Variants in FCHSD2 observed in about 807,000 individuals in gnomAD.
FCHSD2 encodes the protein FCH and double SH3 domains 2.
FCHSD2 carries 38 observed loss-of-function variants against 108.1 expected under a neutral mutation model. That is an observed-to-expected ratio of 0.35 (90% CI 0.27 to 0.46). FCHSD2 has a LOEUF of 0.46. Among genes scored for constraint, FCHSD2 ranks in the 20% least tolerant of loss-of-function variants. The pLI, the probability that FCHSD2 is intolerant of heterozygous loss-of-function variation, is 1.00. For missense variants in FCHSD2, 751 were observed against 897.8 expected (o/e 0.84, Z 2.09); for synonymous variants, 279 against 314.7 (o/e 0.89, Z 1.20).
intron 8 of FCHSD2, among the ~76,000 whole-genome samples, chr11:72,946,505 C>A (rs1306056192): frequency 6.6e-6 from 1 of 152,014 alleles, no homozygotes; most frequent in Non-Finnish European, 1.5e-5. Flanking sequence ...TGTAACTAAC[C>A]TGCACGTTGT....
Position 73,043,915 on chromosome 11 carries a change from G to A in FCHSD2, c.166-28030C>T, listed in dbSNP as rs149086193. Among the ~76,000 whole-genome samples the A allele has an allele frequency of 2.6e-5, 4 of 152,266 alleles. 1 individual carries two copies. Among genetic ancestry groups the A allele is most frequent in the African/African-American group, 9.6e-5 (4 of 41,556 alleles). ...AGGATCTAGGAACCTCAAGATTAAA[G>A]GAGCCTGGATCATTGAATCATCATC... is the stretch of plus-strand genomic sequence containing the variant. On this transcript the variant is annotated intron_variant, in intron 3 of 19. Coordinates refer to ENST00000409418, the MANE Select transcript of FCHSD2 (RefSeq NM_014824.3).
At chr11:72,995,887 T>C (rs1180718102) in intron 5 of FCHSD2, among the ~76,000 whole-genome samples, 1 of 152,052 alleles carries the variant, frequency 6.6e-6, no homozygotes, top group East Asian at 1.9e-4. Context: ...TAGAAATTTA[T>C]CCTAAGAAAA....
At chr11:72,940,736 C>A in intron 8 of FCHSD2, 1 of 877,248 alleles carries the variant, frequency 1.1e-6, no homozygotes, top group Non-Finnish European at 1.9e-6. Flanking sequence ...AAGGGTGCAA[C>A]TAATGGCAAG....
At chr11:73,015,929 TA>T in intron 3 of FCHSD2, 44 bp from the exon 4 acceptor site, 1 of 1,077,538 alleles carries the variant, frequency 9.3e-7, no homozygotes, top group Non-Finnish European at 1.4e-6. Context: ...TATTATGCCA[TA>T]AAGGAAGCTC....
intron 2 of FCHSD2, among the ~76,000 whole-genome samples, chr11:73,129,747 C>A (rs1263386780): frequency 6.6e-6 from 1 of 152,140 alleles, no homozygotes; most frequent in Non-Finnish European, 1.5e-5. Context: ...CACCCGCAGT[C>A]CATGGGAAAA....
At chr11:72,841,611 G>T (rs372685355) in intron 17 of FCHSD2, 28 bp from the exon 18 acceptor site, 5 of 1,568,546 alleles carry the variant, frequency 3.2e-6, no homozygotes, top group African/African-American at 1.4e-5. Flanking sequence ...GAGGTTACCC[G>T]GTGCTCCCCT....
intron 3 of FCHSD2, among the ~76,000 whole-genome samples, chr11:73,036,450 C>A (rs980967108): frequency 4.6e-5 from 7 of 152,012 alleles, no homozygotes; most frequent in Non-Finnish European, 1.5e-5. Context: ...TAAATTGACA[C>A]TGAAAATAAT....
chr11:73,082,269 G>A lies in FCHSD2; in HGVS notation c.165+1426C>T, dbSNP rs1260073773. On this transcript the variant is annotated intron_variant, in intron 3 of 19. Transcript: ENST00000409418. Reference sequence around the variant, plus strand: ...GGAGAATCGCTTGAATCTGGGAGGTGGAAGTTGCAGTGAGCCGAGATCGCA... The same window carrying A: ...GGAGAATCGCTTGAATCTGGGAGGTAGAAGTTGCAGTGAGCCGAGATCGCA... Among the ~76,000 whole-genome samples the A allele has an allele frequency of 2.9e-5, 4 of 137,030 alleles. No homozygotes were observed. The East Asian group carries it at 9.4e-4, about 32-fold the overall frequency. The allele number at this position is 137,030 out of a possible 152,430, so 89.9% of individuals were successfully genotyped here. A position where few individuals can be genotyped will look rare whatever the true frequency, so the allele number is the denominator to read the frequency against.
In FCHSD2 at chr11:72,900,253, A is replaced by C. The variant is rs571851553; in HGVS notation, c.924+2290T>G. 2.4e-5 allele frequency: 37 copies of C among 1,539,652 alleles called. No individual in the cohort carries two copies. In the African/African-American group the frequency reaches 4.8e-4, roughly 20 times the overall value. On this transcript the variant is annotated intron_variant, in intron 10 of 19. Coordinates refer to ENST00000409418, the MANE Select transcript of FCHSD2 (RefSeq NM_014824.3). Reference sequence around the variant, plus strand: ...CTCCCGCCCTTGACCCACACCCCATATACCTCAGCTATGGTCATTCTCAGA... The same window carrying C: ...CTCCCGCCCTTGACCCACACCCCATCTACCTCAGCTATGGTCATTCTCAGA...
At chr11:72,904,688 T>C (rs1471713589) in intron 9 of FCHSD2, among the ~76,000 whole-genome samples, 1 of 152,248 alleles carries the variant, frequency 6.6e-6, no homozygotes, top group Non-Finnish European at 1.5e-5. Context: ...TCCCTGATTG[T>C]TTCTTTTTTT....
chr11:72,990,333 T>C (rs1857387501), intron 5 of FCHSD2, among the ~76,000 whole-genome samples: 1 of 152,102 alleles, frequency 6.6e-6, no homozygotes. Flanking sequence ...CTGCATCAAT[T>C]TGGGATAAAC....
At chr11:73,039,415 G>A (rs1247876636) in intron 3 of FCHSD2, among the ~76,000 whole-genome samples, 1 of 152,024 alleles carries the variant, frequency 6.6e-6, no homozygotes, top group African/African-American at 2.4e-5. Context: ...CTACTCCAGA[G>A]GCAGAGGTGA....
At chr11:73,032,773 T>A (rs753303236) in intron 3 of FCHSD2, among the ~76,000 whole-genome samples, 1 of 151,966 alleles carries the variant, frequency 6.6e-6, no homozygotes, top group Non-Finnish European at 1.5e-5. Context: ...AGTGGGAACA[T>A]AGCCCCTTCA....
chr11:72,895,224 C>G (rs1474405204), intron 10 of FCHSD2, among the ~76,000 whole-genome samples: 1 of 152,128 alleles, frequency 6.6e-6, no homozygotes, highest in Non-Finnish European at 1.5e-5. Context: ...TGGGACAATT[C>G]TGGAAAACTC....
chr11:72,960,053 G>C (rs565377850), intron 8 of FCHSD2, among the ~76,000 whole-genome samples: 1 of 152,264 alleles, frequency 6.6e-6, no homozygotes, highest in South Asian at 2.1e-4. Flanking sequence ...AATATGTAAG[G>C]CTGGGTAGTC....
intron 3 of FCHSD2, among the ~76,000 whole-genome samples, chr11:73,060,761 G>A (rs1859140753): frequency 6.6e-6 from 1 of 152,076 alleles, no homozygotes. Context: ...GGGCAAGATT[G>A]AAGTTAGAAA....
intron 1 of FCHSD2, 88 bp downstream of exon 1, chr11:73,141,769 G>C (rs948663584): frequency 4.3e-6 from 6 of 1,389,736 alleles, no homozygotes; most frequent in Admixed American, 2.2e-5. Flanking sequence ...GGCCCCTTGC[G>C]GGAGGGGGAA....
chr11:72,910,666 A>G lies in FCHSD2; in HGVS notation c.829-8028T>C, dbSNP rs185377466. Among the ~76,000 whole-genome samples the G allele has an allele frequency of 3.5e-3, 532 of 152,156 alleles. 5 individuals are homozygous for G. The highest frequency in any genetic ancestry group is 4.0e-3 in the Non-Finnish European group (275 of 67,990). On this transcript the variant is annotated intron_variant, in intron 9 of 19. Transcript: ENST00000409418. ...TCATCACCACTCCCTAATCTCAAGT[A>G]CCCAGGGATACAAACACTGCGGAAG...
chr11:73,075,371 C>T (rs1305025388), intron 3 of FCHSD2, among the ~76,000 whole-genome samples: 2 of 152,096 alleles, frequency 1.3e-5, no homozygotes, highest in African/African-American at 4.8e-5. Context: ...ACAGTGGCAC[C>T]ATTCATAATG....
Sources: allele counts gnomAD v4.1 joint callset (sites outside exome capture counted in the v4.1 genomes callset), GRCh38; gene constraint gnomAD v4.1.1; transcripts MANE v1.5; gene names NCBI Gene and HGNC (gene_info 2026-07-23, HGNC 2026-07-21).